KNTC1: variants seen among roughly 807,000 people sequenced by gnomAD.
KNTC1 encodes the protein kinetochore-associated protein 1.
Under a neutral mutation model 314.4 loss-of-function variants are expected in KNTC1, and 253 were observed. The observed-to-expected ratio is 0.80, with a 90% CI of 0.73 to 0.89. The LOEUF (loss-of-function observed/expected upper bound fraction) is 0.89, where lower values mean the gene tolerates loss of function less well. Among genes scored for constraint, KNTC1 ranks in the 40% least tolerant of loss-of-function variants. The pLI is 0.00. For missense variants in KNTC1, 2,475 were observed against 2,572.9 expected, an observed-to-expected ratio of 0.96 and a Z score of 0.82; for synonymous variants, 901 against 901.4, an observed-to-expected ratio of 1.00 and a Z score of 0.01.
intron 20 of KNTC1, among the ~76,000 whole-genome samples, chr12:122,564,550 A>G (rs955424920): frequency 6.6e-6 from 1 of 151,976 alleles, no homozygotes; most frequent in Non-Finnish European, 1.5e-5. Flanking sequence ...GATGCCAAGG[A>G]TACCTGGTAT....
At chr12:122,551,156 T>TC (rs1175359947) in intron 13 of KNTC1, among the ~76,000 whole-genome samples, 163 bp from the exon 14 acceptor site, 1 of 151,956 alleles carries the variant, frequency 6.6e-6, no homozygotes, top group African/African-American at 2.4e-5. Flanking sequence ...GTGTTTTTTT[T>TC]TTCCTTAAAT....
chr12:122,545,797 G>A (rs1459067825), intron 8 of KNTC1, among the ~76,000 whole-genome samples: 1 of 151,810 alleles, frequency 6.6e-6, no homozygotes, highest in Non-Finnish European at 1.5e-5. Context: ...ACAACAAATA[G>A]TAAATTAGCC....
Position 122,582,817 on chromosome 12 carries a change from C to T in KNTC1, c.3095C>T (p.Pro1032Leu). 6.2e-7 allele frequency: 1 copy of T among 1,612,218 alleles called. No homozygotes were observed. Among genetic ancestry groups the T allele is most frequent in the Non-Finnish European group, 8.5e-7 (1 of 1,179,136 alleles). The change falls in exon 34 of 64, where the codon CCT (proline) becomes CTT (leucine). Residue 1032 changes from proline (P) to leucine (L), a missense_variant. Physicochemically the swap from Pro to Leu is moderately conservative, Grantham distance 98 (BLOSUM62 -3). Coordinates refer to ENST00000333479, the MANE Select transcript of KNTC1 (RefSeq NM_014708.6). ...AHEVAQAKHKPGSTPEPIAAE... is the reference protein window; with the variant it reads ...AHEVAQAKHKLGSTPEPIAAE... The stretch of plus-strand genomic sequence containing the variant: ...GAAGTTGCACAGGCGAAACACAAAC[C>T]TGGGAGCACCCCAGAGCCCATAGCT...
intron 32 of KNTC1, among the ~76,000 whole-genome samples, chr12:122,580,239 C>A (rs930588344): frequency 6.6e-6 from 1 of 152,144 alleles, no homozygotes; most frequent in African/African-American, 2.4e-5. Context: ...CTTAGCGTCT[C>A]GCACTCATTG....
At chr12:122,542,483 A>G (rs1038830417) in intron 6 of KNTC1, among the ~76,000 whole-genome samples, 1 of 152,192 alleles carries the variant, frequency 6.6e-6, no homozygotes, top group Non-Finnish European at 1.5e-5. Flanking sequence ...AGTGCAGAAC[A>G]GGGCTGGCGT....
intron 3 of KNTC1, among the ~76,000 whole-genome samples, chr12:122,535,558 G>C (rs986906460): frequency 6.6e-6 from 1 of 152,058 alleles, no homozygotes; most frequent in African/African-American, 2.4e-5. Flanking sequence ...TAGGAGAATT[G>C]CTTGAACCTG....
intron 43 of KNTC1, among the ~76,000 whole-genome samples, chr12:122,596,468 C>T (rs1871068356): frequency 4.0e-5 from 6 of 151,604 alleles, no homozygotes; most frequent in Admixed American, 2.6e-4. Flanking sequence ...CCACCTGCCT[C>T]GGCCTCCCAA....
At chr12:122,558,708 TCTA>T (rs561252289) in intron 18 of KNTC1, among the ~76,000 whole-genome samples, 230 of 151,872 alleles carry the variant, frequency 1.5e-3, no homozygotes, top group African/African-American at 5.1e-3. Flanking sequence ...AAACCCCATC[TCTA>T]CTAAAAATAT....
intron 59 of KNTC1, among the ~76,000 whole-genome samples, chr12:122,619,529 C>T (rs1874179711): frequency 6.6e-6 from 1 of 152,146 alleles, no homozygotes; most frequent in Non-Finnish European, 1.5e-5. Context: ...TCTCCCGCCT[C>T]AGCCTCCTGA....
In KNTC1 at chr12:122,585,688, T is replaced by C. The variant is rs752745229; in HGVS notation, c.3587T>C (p.Phe1196Ser). The change falls in exon 37 of 64, where the codon TTC (phenylalanine) becomes TCC (serine). Residue 1196 changes from phenylalanine (F) to serine (S), a missense_variant. By Grantham distance (155) the Phe-to-Ser change is radical. Coordinates refer to ENST00000333479, the MANE Select transcript of KNTC1 (RefSeq NM_014708.6). ...TATGAAGAGTGGTCTTACAGTGACT[T>C]CTTCAGTGAAGATGGAATTGTTCTT... ...DPYEEWSYSDFFSEDGIVLES... is the reference protein window; with the variant it reads ...DPYEEWSYSDSFSEDGIVLES... 3 of 1,613,702 alleles carry C rather than the reference T, an allele frequency of 1.9e-6. No individual in the cohort carries two copies. In the Admixed American group the frequency reaches 5.0e-5, roughly 27 times the overall value.
chr12:122,599,027 A>T (rs915178053), intron 44 of KNTC1, among the ~76,000 whole-genome samples: 1 of 152,108 alleles, frequency 6.6e-6, no homozygotes, highest in Non-Finnish European at 1.5e-5. Flanking sequence ...TTTTTTGTGC[A>T]GATGAATCTC....
intron 62 of KNTC1, among the ~76,000 whole-genome samples, chr12:122,623,518 G>A (rs1434055029): frequency 6.6e-6 from 1 of 152,112 alleles, no homozygotes; most frequent in African/African-American, 2.4e-5. Flanking sequence ...TCATTTTTGA[G>A]CAAGTATTTT....
chr12:122,588,450 A>G (rs968469366), intron 39 of KNTC1, among the ~76,000 whole-genome samples: 4 of 152,212 alleles, frequency 2.6e-5, no homozygotes, highest in African/African-American at 9.6e-5. Context: ...TATAACTTTC[A>G]AAATTAAAAT....
Position 122,597,956 on chromosome 12 carries a change from T to C in KNTC1, c.4563+18T>C. ...TACATAAGGTAGACACACAGTGAAA[T>C]GAATCGGGTCATCTCAGCCATCCCT... On this transcript the variant is annotated intron_variant, in intron 44 of 63. Transcript: ENST00000333479. The C allele has an allele frequency of 1.9e-6, 3 of 1,601,466 alleles. No individual in the cohort carries two copies. The highest frequency in any genetic ancestry group is 2.6e-6 in the Non-Finnish European group (3 of 1,168,570).
At chr12:122,619,752 A>G (rs189390512) in intron 59 of KNTC1, among the ~76,000 whole-genome samples, 27 of 130,306 alleles carry the variant, frequency 2.1e-4, no homozygotes, top group African/African-American at 6.9e-4. Flanking sequence ...TTATTTTTAC[A>G]ATGTCTACTT....
rs377226678 is a variant in KNTC1, at chr12:122,603,261, A to G, written c.5101+18A>G. ...CCCTGAAGGTATGAGCTCTTCTTTT[A>G]AAATTGTAGTTAAAAAAAAAAAAAA... On this transcript the variant is annotated intron_variant, in intron 48 of 63. Coordinates refer to ENST00000333479, the MANE Select transcript of KNTC1 (RefSeq NM_014708.6). The G allele has an allele frequency of 2.7e-6, 4 of 1,488,364 alleles. No individual in the cohort carries two copies. The highest frequency in any genetic ancestry group is 3.6e-6 in the Non-Finnish European group (4 of 1,104,316). The allele number at this position is 1,488,364 out of a possible 1,614,324, so 92.2% of individuals were successfully genotyped here.
chr12:122,571,051 A>G lies in KNTC1; in HGVS notation c.1944A>G (p.Gln648=). 6.2e-7 allele frequency: 1 copy of G among 1,613,706 alleles called. No homozygotes were observed. Among genetic ancestry groups the G allele is most frequent in the East Asian group, 2.2e-5 (1 of 44,846 alleles). ...DKANWPENGL[Q]LAEIFFTAEK... ...CAAATTGGCCAGAAAATGGACTTCA[A>G]TTGGCAGAGATATTTTTTACAGCAG... is the stretch of plus-strand genomic sequence containing the variant. Residue 648 remains glutamine (Q), a synonymous_variant, in exon 24 of 64, where the codon CAA becomes CAG. Coordinates refer to ENST00000333479, the MANE Select transcript of KNTC1 (RefSeq NM_014708.6).
intron 53 of KNTC1, among the ~76,000 whole-genome samples, chr12:122,612,152 G>A (rs1388960564): frequency 2.0e-5 from 3 of 150,828 alleles, no homozygotes; most frequent in African/African-American, 2.4e-5. Context: ...TGCAACCTCC[G>A]CCTCCCGGGT....
At chr12:122,605,254 A>G (rs1872464108) in intron 50 of KNTC1, 52 bp from the exon 51 acceptor site, 2 of 1,222,832 alleles carry the variant, frequency 1.6e-6, no homozygotes, top group East Asian at 2.5e-5. Context: ...TAAGTATTCA[A>G]TATAAATATT....
Sources: allele counts gnomAD v4.1 joint callset (sites outside exome capture counted in the v4.1 genomes callset), GRCh38; gene constraint gnomAD v4.1.1; transcripts MANE v1.5; gene names NCBI Gene and HGNC (gene_info 2026-07-23, HGNC 2026-07-21).